The following MGAT4C variants were observed in gnomAD, a reference collection of about 807,000 sequenced individuals.
The protein encoded by MGAT4C is alpha-1,3-mannosyl-glycoprotein 4-beta-N-acetylglucosaminyltransferase C.
Under a neutral mutation model 40.1 loss-of-function variants are expected in MGAT4C, and 19 were observed. The ratio of observed to expected loss-of-function variants is 0.47; its 90% CI spans 0.33 to 0.70. The LOEUF (loss-of-function observed/expected upper bound fraction) is 0.70, where lower values mean the gene tolerates loss of function less well. Ranked by LOEUF, MGAT4C falls within the 30% of genes least tolerant of loss-of-function variation. The pLI, the probability that MGAT4C is intolerant of heterozygous loss-of-function variation, is 0.02. For synonymous variants in MGAT4C, 181 were observed against 187.1 expected (o/e 0.97, Z 0.27); for missense variants, 491 against 563.2 (o/e 0.87, Z 1.30).
chr12:86,190,640 T>G (rs890674536), intron 1 of MGAT4C, among the ~76,000 whole-genome samples: 2 of 152,082 alleles, frequency 1.3e-5, no homozygotes, highest in African/African-American at 4.8e-5. Flanking sequence ...TATGGTCATT[T>G]TTTGAGCTCA....
chr12:86,362,122 G>A (rs1955488815), intron 3 of MGAT4C, among the ~76,000 whole-genome samples: 1 of 152,176 alleles, frequency 6.6e-6, no homozygotes, highest in South Asian at 2.1e-4. Context: ...TTAAGAAAAT[G>A]TAGCACATAT....
At chr12:86,603,573 G>GACTAT (rs748155550) in intron 2 of MGAT4C, among the ~76,000 whole-genome samples, 3,840 of 112,876 alleles carry the variant, frequency 0.034, 290 homozygotes, top group East Asian at 0.24. Flanking sequence ...ATAGACTATA[G>GACTAT]ATAATATATA....
intron 2 of MGAT4C, among the ~76,000 whole-genome samples, chr12:85,999,888 T>C (rs1316374707): frequency 1.3e-5 from 2 of 151,956 alleles, no homozygotes; most frequent in Non-Finnish European, 2.9e-5. Context: ...GGAAGCTGGG[T>C]TGGTGAGAGG....
intron 2 of MGAT4C, among the ~76,000 whole-genome samples, chr12:86,441,915 G>A (rs1002172346): frequency 6.6e-6 from 1 of 152,074 alleles, no homozygotes; most frequent in South Asian, 2.1e-4. Flanking sequence ...TTGAGGAATT[G>A]CCACACTGTC....
intron 1 of MGAT4C, among the ~76,000 whole-genome samples, chr12:86,057,587 G>C (rs1440333883): frequency 6.6e-6 from 1 of 152,040 alleles, no homozygotes; most frequent in African/African-American, 2.4e-5. Flanking sequence ...ACCTCTGCAG[G>C]AATGGCTGTG....
At chr12:86,793,784 A>C (rs1952067169) in intron 1 of MGAT4C, among the ~76,000 whole-genome samples, 1 of 152,026 alleles carries the variant, frequency 6.6e-6, no homozygotes, top group South Asian at 2.1e-4. Flanking sequence ...AAATGATTAG[A>C]GATTCCCCTG....
At chr12:86,156,409 G>A (rs906957005) in intron 1 of MGAT4C, among the ~76,000 whole-genome samples, 18 of 152,150 alleles carry the variant, frequency 1.2e-4, no homozygotes, top group South Asian at 4.1e-4. Context: ...CGCAACCTCC[G>A]TGTCCCAGGT....
rs185320976 is a variant in MGAT4C at position 86,539,423 on chromosome 12, T to C, written c.-228-104158A>G. Among the ~76,000 whole-genome samples the C allele has an allele frequency of 3.3e-5, 5 of 152,338 alleles. 1 individual carries two copies. The highest frequency in any genetic ancestry group is 2.6e-4 in the Admixed American group (4 of 15,300). On this transcript the variant is annotated intron_variant, in intron 2 of 7. Transcript: ENST00000548651. ...CCACATTTCTTAATCCAATCTATCATTGATGGACATTTGGGTTGGTTCCAA... is the reference window on the plus strand; with the variant it reads ...CCACATTTCTTAATCCAATCTATCACTGATGGACATTTGGGTTGGTTCCAA...
chr12:86,346,277 T>A (rs1383648442), intron 3 of MGAT4C, among the ~76,000 whole-genome samples: 1 of 152,142 alleles, frequency 6.6e-6, no homozygotes, highest in Non-Finnish European at 1.5e-5. Context: ...CAGGCTGGAA[T>A]GCAGTGGCAC....
chr12:86,674,771 C>T (rs955065358), intron 2 of MGAT4C, among the ~76,000 whole-genome samples: 2 of 152,084 alleles, frequency 1.3e-5, no homozygotes, highest in African/African-American at 2.4e-5. Context: ...GTAGTACACA[C>T]ATGTTTATTT....
At chr12:86,455,096 C>T (rs149052200) in intron 2 of MGAT4C, among the ~76,000 whole-genome samples, 10 of 152,064 alleles carry the variant, frequency 6.6e-5, no homozygotes, top group Admixed American at 2.0e-4. Flanking sequence ...ATTTAGGATG[C>T]CCTTGTATCA....
At chr12:86,139,568 C>A (rs1201813841) in intron 1 of MGAT4C, among the ~76,000 whole-genome samples, 1 of 151,662 alleles carries the variant, frequency 6.6e-6, no homozygotes, top group Non-Finnish European at 1.5e-5. Flanking sequence ...TTTACCCATT[C>A]CAATGTTGAT....
Position 86,028,257 on chromosome 12 carries a change from T to G in MGAT4C, c.-7+21417A>C, listed in dbSNP as rs1436929326. ...TTTTCATTATTATTAAAAGCTCCTA[T>G]TACCTTCTCTTGCCCTAGTAATTGA... On this transcript the variant is annotated intron_variant, in intron 2 of 4. Transcript: ENST00000611864. The G allele has an allele frequency of 3.0e-6, 3 of 1,006,062 alleles. No homozygotes were observed. In the African/African-American group the frequency reaches 5.0e-5, roughly 17 times the overall value. The allele number at this position is 1,006,062 out of a possible 1,614,324, so 62.3% of individuals were successfully genotyped here. A position where few individuals can be genotyped will look rare whatever the true frequency, so the allele number is the denominator to read the frequency against.
chr12:86,049,601 T>C, intron 2 of MGAT4C, 73 bp downstream of exon 2: 1 of 764,098 alleles, frequency 1.3e-6, no homozygotes, highest in Non-Finnish European at 1.6e-6. Context: ...ATTTTACTTA[T>C]TAAATATTTT....
At chr12:86,550,616 C>T (rs1462698620) in intron 2 of MGAT4C, among the ~76,000 whole-genome samples, 1 of 152,182 alleles carries the variant, frequency 6.6e-6, no homozygotes, top group Admixed American at 6.5e-5. Context: ...GGTGGCTTAA[C>T]ACCACAATAT....
intron 2 of MGAT4C, among the ~76,000 whole-genome samples, chr12:85,994,350 T>C (rs1353973093): frequency 6.6e-6 from 1 of 152,222 alleles, no homozygotes; most frequent in Non-Finnish European, 1.5e-5. Flanking sequence ...AGAGTAACTA[T>C]GATACAGACA....
chr12:86,487,301 T>G (rs552313378), intron 2 of MGAT4C, among the ~76,000 whole-genome samples: 1 of 152,302 alleles, frequency 6.6e-6, no homozygotes, highest in African/African-American at 2.4e-5. Flanking sequence ...AACTTTCCAC[T>G]TTGATACATG....
intron 1 of MGAT4C, among the ~76,000 whole-genome samples, chr12:86,793,606 G>A (rs1424189330): frequency 6.6e-6 from 1 of 151,874 alleles, no homozygotes; most frequent in African/African-American, 2.4e-5. Flanking sequence ...ACGCTCATTT[G>A]TTTCCAGTTA....
At chr12:86,629,192 A>G (rs997452720) in intron 2 of MGAT4C, among the ~76,000 whole-genome samples, 2 of 152,212 alleles carry the variant, frequency 1.3e-5, no homozygotes, top group Admixed American at 6.5e-5. Flanking sequence ...TCAATTCAAC[A>G]AGAAGAGCTA....
Sources: allele counts gnomAD v4.1 joint callset (sites outside exome capture counted in the v4.1 genomes callset), GRCh38; gene constraint gnomAD v4.1.1; transcripts MANE v1.5; gene names NCBI Gene and HGNC (gene_info 2026-07-23, HGNC 2026-07-21).